Variants in GUSB observed in about 807,000 individuals in gnomAD.
GUSB encodes beta-glucuronidase.
Under a neutral mutation model 74.6 loss-of-function variants are expected in GUSB, and 51 were observed. That is an observed-to-expected ratio of 0.68 (90% CI 0.55 to 0.86). The LOEUF (loss-of-function observed/expected upper bound fraction) is 0.86. Ranked by LOEUF, GUSB falls within the 40% of genes least tolerant of loss-of-function variation. The pLI is 0.00. For synonymous variants in GUSB, 360 were observed against 348.3 expected (o/e 1.03, Z -0.37); for missense variants, 736 against 853.7 (o/e 0.86, Z 1.72).
At chr7:65,972,043 A>T (rs1335259950) in intron 8 of GUSB, among the ~76,000 whole-genome samples, 2 of 152,168 alleles carry the variant, frequency 1.3e-5, no homozygotes, top group Non-Finnish European at 2.9e-5. Flanking sequence ...CCATCTCAAA[A>T]AATAAATAAA....
At position 65,974,635 on chromosome 7, in the gene GUSB, T is replaced by G; in HGVS notation, c.1135A>C (p.Asn379His). ...DFNLLRWLGA[N>H]AFRTSHYPYA... ...GGGTAGTGGCTGGTACGGAAAGCGT[T>G]GGCACCAAGCCAGCGAAGCAGGTTG... The change falls in exon 7 of 12, where the codon AAC (asparagine) becomes CAC (histidine). Residue 379 changes from asparagine (N) to histidine (H), a missense_variant. Coordinates refer to ENST00000304895, the MANE Select transcript of GUSB (RefSeq NM_000181.4). 6.2e-7 allele frequency: 1 copy of G among 1,613,980 alleles called. No homozygotes were observed. Among genetic ancestry groups the G allele is most frequent in the Non-Finnish European group, 8.5e-7 (1 of 1,180,032 alleles).
rs759309329 is a variant in GUSB at position 65,980,259 on chromosome 7, G to C, written c.361C>G (p.Leu121Val). 6.8e-7 allele frequency: 1 copy of C among 1,470,012 alleles called. No individual in the cohort carries two copies. Among genetic ancestry groups the C allele is most frequent in the Non-Finnish European group, 9.1e-7 (1 of 1,095,952 alleles). The allele number at this position is 1,470,012 out of a possible 1,614,324, so 91.1% of individuals were successfully genotyped here. A position where few individuals can be genotyped will look rare whatever the true frequency, so the allele number is the denominator to read the frequency against. The change falls in exon 2 of 12, where the codon CTG becomes GTG. Residue 121 changes from leucine (L) to valine (V), a missense_variant. By Grantham distance (32) the Leu-to-Val change is conservative. Transcript: ENST00000304895. ...WTQDLRTRVV[L>V]RIGSAHSYAI... ...TAGGAATGGGCACTGCCAATCCTCA[G>C]CACCACTCTTGTGCGCAGGTCCTGG...
chr7:65,976,331 AT>A (rs900925917), intron 4 of GUSB, 129 bp from the exon 5 acceptor site: 31,736 of 477,630 alleles, frequency 0.066, no homozygotes, highest in Middle Eastern at 0.083. Flanking sequence ...TTAATTTCTT[AT>A]TTTTTTTTTT....
chr7:65,963,570 AAGTCTCACTCTGTTGTCCAGG>A (rs138500657), intron 11 of GUSB, among the ~76,000 whole-genome samples: 47,220 of 151,890 alleles, frequency 0.31, 8,572 homozygotes, highest in East Asian at 0.46. Context: ...TTTTAAAGAC[AAGTCTCACTCTGTTGTCCAGG>A]CTCTTGTGCA....
chr7:65,976,939 A>G (rs755461927), intron 4 of GUSB, among the ~76,000 whole-genome samples: 41 of 151,892 alleles, frequency 2.7e-4, no homozygotes, highest in Middle Eastern at 3.2e-3. Context: ...TGTCCCTCAG[A>G]CATGCCAACC....
At chr7:65,962,197 C>T (rs961065974) in intron 11 of GUSB, among the ~76,000 whole-genome samples, 47 of 152,190 alleles carry the variant, frequency 3.1e-4, no homozygotes, top group Admixed American at 1.2e-3. Context: ...CAGGTCCCTG[C>T]GTGGGACCTA....
chr7:65,961,980 C>A (rs796219389), intron 11 of GUSB, among the ~76,000 whole-genome samples: 3 of 149,144 alleles, frequency 2.0e-5, no homozygotes, highest in African/African-American at 7.4e-5. Context: ...CCAGCCTGGG[C>A]GACAGAGTGA....
chr7:65,979,238 G>T (rs57096373), intron 4 of GUSB, 161 bp downstream of exon 4: 2 of 806,516 alleles, frequency 2.5e-6, no homozygotes, highest in East Asian at 2.5e-5. Flanking sequence ...TTGGGAGCCC[G>T]TATCCGCTCA....
At chr7:65,967,091 G>A (rs1790885463) in intron 10 of GUSB, among the ~76,000 whole-genome samples, 1 of 152,122 alleles carries the variant, frequency 6.6e-6, no homozygotes, top group Non-Finnish European at 1.5e-5. Flanking sequence ...AGAGAGCAGA[G>A]GACACTGAGT....
At chr7:65,975,634 C>T in intron 5 of GUSB, 2 of 209,982 alleles carry the variant, frequency 9.5e-6, no homozygotes, top group Admixed American at 5.3e-5. Context: ...ATCCACCCAC[C>T]TCAGCCTCCC....
intron 3 of GUSB, 89 bp downstream of exon 3, chr7:65,979,638 C>A (rs568453599): frequency 1.3e-6 from 2 of 1,592,592 alleles, no homozygotes; most frequent in Admixed American, 3.3e-5. Flanking sequence ...AAGGCCTCCA[C>A]TCTGTGAAGG....
rs148304965 is a variant in GUSB, at chr7:65,963,966, C to CTGTA, written c.1789+356_1789+357insTACA. Among the ~76,000 whole-genome samples the CTGTA allele has an allele frequency of 7.5e-3, 1,138 of 152,288 alleles. 16 individuals are homozygous for CTGTA. The highest frequency in any genetic ancestry group is 0.026 in the African/African-American group (1,069 of 41,548). Reference sequence around the variant, plus strand: ...TACCTTAAGTTTCTCAGGCTTTGTACCCTTCTATGGAATAATGAGTGTATC... The same window carrying CTGTA: ...TACCTTAAGTTTCTCAGGCTTTGTACTGTACCTTCTATGGAATAATGAGTGTATC... On this transcript the variant is annotated intron_variant, in intron 11 of 11. Transcript: ENST00000304895.
chr7:65,981,307 A>G (rs1792002039), intron 1 of GUSB, among the ~76,000 whole-genome samples: 1 of 144,508 alleles, frequency 6.9e-6, no homozygotes, highest in Non-Finnish European at 1.5e-5. Context: ...ATCTCAGCTC[A>G]CTGCAACCTC....
At chr7:65,981,907 G>A in intron 1 of GUSB, 67 bp downstream of exon 1, 2 of 1,355,762 alleles carry the variant, frequency 1.5e-6, no homozygotes, top group Non-Finnish European at 2.0e-6. Flanking sequence ...GTCTGCGGGG[G>A]GCCCGGGCTC....
chr7:65,981,439 G>A (rs1350200669), intron 1 of GUSB, among the ~76,000 whole-genome samples: 2 of 151,834 alleles, frequency 1.3e-5, no homozygotes, highest in African/African-American at 4.8e-5. Flanking sequence ...ACCCTGTTAT[G>A]TTGGCCAGCC....
chr7:65,976,227 G>T, intron 4 of GUSB, 25 bp from the exon 5 acceptor site: 2 of 1,567,494 alleles, frequency 1.3e-6, no homozygotes, highest in Non-Finnish European at 1.8e-6. Context: ...AGAGACCAGG[G>T]CTGAGGGAGG....
chr7:65,974,490 C>T, intron 7 of GUSB, 36 bp downstream of exon 7: 3 of 1,614,100 alleles, frequency 1.9e-6, no homozygotes, highest in Non-Finnish European at 2.5e-6. Flanking sequence ...CGCCCCCGGG[C>T]TGGGCAGGCG....
chr7:65,975,010 C>T lies in GUSB; in HGVS notation c.974G>A (p.Gly325Glu). The T allele has an allele frequency of 6.2e-7, 1 of 1,613,102 alleles. No individual in the cohort carries two copies. Among genetic ancestry groups the T allele is most frequent in the Non-Finnish European group, 8.5e-7 (1 of 1,179,152 alleles). ...PVSDFYTLPV[G>E]IRTVAVTKSQ... is the part of the protein sequence containing the mutation. Reference sequence around the variant, plus strand: ...CTTGGTGACAGCCACAGTGCGGATCCCCACAGGGAGTGTGTAGAAGTCAGA... The same window carrying T: ...CTTGGTGACAGCCACAGTGCGGATCTCCACAGGGAGTGTGTAGAAGTCAGA... The change falls in exon 6 of 12, where the codon GGG (glycine) becomes GAG (glutamate). Residue 325 changes from glycine to glutamate, a missense_variant. Coordinates refer to ENST00000304895, the MANE Select transcript of GUSB (RefSeq NM_000181.4).
At chr7:65,969,323 G>A (rs529314568) in intron 9 of GUSB, among the ~76,000 whole-genome samples, 3 of 152,148 alleles carry the variant, frequency 2.0e-5, no homozygotes, top group East Asian at 1.9e-4. Flanking sequence ...AGGTTGCAGC[G>A]AGCTGAGATT....
Sources: allele counts gnomAD v4.1 joint callset (sites outside exome capture counted in the v4.1 genomes callset), GRCh38; gene constraint gnomAD v4.1.1; transcripts MANE v1.5; gene names NCBI Gene and HGNC (gene_info 2026-07-23, HGNC 2026-07-21).